Variants in LANCL1 observed in about 807,000 individuals in gnomAD.
LANCL1 encodes LanC like glutathione S-transferase 1.
A neutral mutation model predicts 50.6 loss-of-function variants in LANCL1; 50 were observed. That is an observed-to-expected ratio of 0.99 (90% CI 0.79 to 1.25). LANCL1 has a LOEUF of 1.25. LANCL1 is among the 50% of genes most tolerant of loss of function. The probability of loss-of-function intolerance (pLI) is 0.00; values close to 1 mark genes in which losing one functional copy is unlikely to be tolerated. For synonymous variants in LANCL1, 188 were observed against 178.6 expected (o/e 1.05, Z -0.42); for missense variants, 532 against 480.7 (o/e 1.11, Z -1.00).
intron 2 of LANCL1, among the ~76,000 whole-genome samples, chr2:210,475,340 T>G (rs1694325751): frequency 6.6e-6 from 1 of 152,176 alleles, no homozygotes; most frequent in South Asian, 2.1e-4. Context: ...AAATTTTATT[T>G]TTTTATTTTT....
chr2:210,469,057 C>A (rs994580882), intron 3 of LANCL1: 4 of 152,120 alleles, frequency 2.6e-5, no homozygotes, highest in African/African-American at 7.2e-5. Context: ...TTTTCTCATG[C>A]TGAACAAAGT....
At chr2:210,475,393 C>A (rs1305806054) in intron 2 of LANCL1, among the ~76,000 whole-genome samples, 1 of 152,072 alleles carries the variant, frequency 6.6e-6, no homozygotes, top group Non-Finnish European at 1.5e-5. Context: ...TGCAGTGGTG[C>A]AATCATAGCT....
intron 7 of LANCL1, among the ~76,000 whole-genome samples, chr2:210,437,102 C>A (rs1171968616): frequency 6.6e-6 from 1 of 151,924 alleles, no homozygotes; most frequent in Non-Finnish European, 1.5e-5. Flanking sequence ...TTTTTCTCAA[C>A]TAAAAATCTG....
Position 210,472,112 on chromosome 2 carries a change from T to C in LANCL1, c.82-36A>G, listed in dbSNP as rs188592057. ...AAGGAAAACAAGTATCAAAATAATG[T>C]GGGTCACCCAGCTTGCTGGACTATA... On this transcript the variant is annotated intron_variant, in intron 2 of 9. Coordinates refer to ENST00000450366, the MANE Select transcript of LANCL1 (RefSeq NM_006055.3). The C allele has an allele frequency of 2.6e-4, 372 of 1,407,762 alleles. 1 individual carries two copies. In the African/African-American group the frequency reaches 4.6e-3, roughly 17 times the overall value. The allele number at this position is 1,407,762 out of a possible 1,614,324, so 87.2% of individuals were successfully genotyped here.
chr2:210,442,838 A>G (rs538566160), intron 4 of LANCL1: 57 of 152,358 alleles, frequency 3.7e-4, no homozygotes, highest in African/African-American at 1.3e-3. Flanking sequence ...AACTCCTAAT[A>G]TCAGAGAGAA....
Position 210,435,437 on chromosome 2 carries a change from T to G in LANCL1, c.1073A>C (p.Tyr358Ser). 1 of 1,613,676 alleles carries G rather than the reference T, an allele frequency of 6.2e-7. No homozygotes were observed. Among genetic ancestry groups the G allele is most frequent in the Non-Finnish European group, 8.5e-7 (1 of 1,179,656 alleles). ...ACKFAEWCLEYGEHGCRTPDT... is the reference protein window; with the variant it reads ...ACKFAEWCLESGEHGCRTPDT... ...TGGTGTTCTGCATCCATGTTCTCCA[T>G]ACTCTAAGCACCATTCAGCAAACTG... Residue 358 changes from tyrosine (Y) to serine (S), a missense_variant, in exon 9 of 10, where the codon TAT becomes TCT. Physicochemically the swap from Tyr to Ser is moderately radical, Grantham distance 144. Transcript: ENST00000450366.
intron 3 of LANCL1, among the ~76,000 whole-genome samples, chr2:210,455,944 C>T (rs371044941): frequency 3.3e-5 from 5 of 151,098 alleles, no homozygotes; most frequent in African/African-American, 7.3e-5. Context: ...TTTTTTCTGT[C>T]GAGGGCCCAC....
rs371076966 is a variant in LANCL1, at chr2:210,476,308, A to C, written c.81+8T>G. ...GCAGGGATGCAGGCAGACATATCCT[A>C]AACTCACCCTCCCGGCAGCATCAAA... On this transcript the variant is annotated splice_region_variant and intron_variant, in intron 2 of 9. Coordinates refer to ENST00000450366, the MANE Select transcript of LANCL1 (RefSeq NM_006055.3). The C allele has an allele frequency of 2.5e-5, 40 of 1,608,878 alleles. No individual in the cohort carries two copies. In the African/African-American group the frequency reaches 5.1e-4, roughly 20 times the overall value.
intron 4 of LANCL1, chr2:210,442,658 A>C (rs567943851): frequency 6.6e-6 from 1 of 152,254 alleles, no homozygotes; most frequent in African/African-American, 2.4e-5. Flanking sequence ...AACATGCAAA[A>C]AGGGGAAGAG....
At chr2:210,476,247 C>A in intron 2 of LANCL1, 69 bp downstream of exon 2, 1 of 1,119,972 alleles carries the variant, frequency 8.9e-7, no homozygotes, top group Non-Finnish European at 1.3e-6. Flanking sequence ...CTCTCTCAGG[C>A]AAAAATGAGC....
At position 210,441,358 on chromosome 2, in the gene LANCL1, C is replaced by T; in HGVS notation, c.493G>A (p.Val165Ile). The T allele has an allele frequency of 6.2e-7, 1 of 1,612,974 alleles. No individual in the cohort carries two copies. Among genetic ancestry groups the T allele is most frequent in the Non-Finnish European group, 8.5e-7 (1 of 1,179,378 alleles). The change falls in exon 5 of 10, where the codon GTC becomes ATC. Residue 165 changes from valine to isoleucine, a missense_variant. Physicochemically the swap from Val to Ile is conservative, Grantham distance 29 (BLOSUM62 3). Transcript: ENST00000450366. ...RIGYIYALLF[V>I]NKNFGVEKIP... ...TTTTCCACTCCAAAGTTCTTATTGA[C>T]AAAAAGAAGAGCATAGATGTAGCCT...
upstream of LANCL1, among the ~76,000 whole-genome samples, chr2:210,477,053 T>G (rs1244874898): frequency 6.6e-6 from 1 of 150,450 alleles, no homozygotes; most frequent in Non-Finnish European, 1.5e-5. Flanking sequence ...GATCTGAACA[T>G]GCTGGTATTT....
intron 2 of LANCL1, among the ~76,000 whole-genome samples, chr2:210,474,951 G>A (rs1157391745): frequency 1.3e-5 from 2 of 152,176 alleles, no homozygotes; most frequent in East Asian, 3.9e-4. Context: ...CAGAATGCAG[G>A]CCCAAATGGC....
intron 3 of LANCL1, among the ~76,000 whole-genome samples, chr2:210,463,022 A>T (rs1574436854): frequency 6.6e-6 from 1 of 152,332 alleles, no homozygotes; most frequent in East Asian, 1.9e-4. Flanking sequence ...GTAGAGGCTG[A>T]GAGTAAACAC....
At chr2:210,469,316 C>A (rs1329813673) in intron 3 of LANCL1, 1 of 152,126 alleles carries the variant, frequency 6.6e-6, no homozygotes, top group Non-Finnish European at 1.5e-5. Flanking sequence ...GGGGTTGAAT[C>A]AGTTTTAGTT....
chr2:210,441,200 C>T, intron 5 of LANCL1, 108 bp downstream of exon 5: 1 of 1,132,516 alleles, frequency 8.8e-7, no homozygotes, highest in Non-Finnish European at 1.3e-6. Flanking sequence ...CCAGATACAC[C>T]TTCCTTTATA....
chr2:210,467,410 T>C (rs1187524939), intron 3 of LANCL1, among the ~76,000 whole-genome samples: 1 of 152,194 alleles, frequency 6.6e-6, no homozygotes, highest in East Asian at 1.9e-4. Context: ...TTCTTTATTT[T>C]CCTCCTCTTC....
intron 3 of LANCL1, among the ~76,000 whole-genome samples, chr2:210,462,835 T>C (rs1385388733): frequency 6.6e-6 from 1 of 152,236 alleles, no homozygotes; most frequent in East Asian, 1.9e-4. Flanking sequence ...TTTCATACTT[T>C]ATCAGGGCTT....
chr2:210,440,776 T>C, intron 5 of LANCL1, 32 bp from the exon 6 acceptor site: 3 of 1,596,374 alleles, frequency 1.9e-6, no homozygotes, highest in Non-Finnish European at 2.6e-6. Context: ...AAATAACAAG[T>C]TAACTGAACA....
Sources: allele counts gnomAD v4.1 joint callset (sites outside exome capture counted in the v4.1 genomes callset), GRCh38; gene constraint gnomAD v4.1.1; transcripts MANE v1.5; gene names NCBI Gene and HGNC (gene_info 2026-07-23, HGNC 2026-07-21).